EEF1E1: variants seen among roughly 807,000 people sequenced by gnomAD.
EEF1E1 encodes eukaryotic translation elongation factor 1 epsilon 1.
Under a neutral mutation model 19.9 loss-of-function variants are expected in EEF1E1, and 19 were observed. That is an observed-to-expected ratio of 0.95 (90% CI 0.66 to 1.40). EEF1E1 has a LOEUF of 1.40. Among genes scored for constraint, EEF1E1 ranks in the 40% most tolerant of loss-of-function variants. EEF1E1 has a pLI of 0.00. For missense variants in EEF1E1, 198 were observed against 202.2 expected, an observed-to-expected ratio of 0.98 and a Z score of 0.13; for synonymous variants, 81 against 80.0, an observed-to-expected ratio of 1.01 and a Z score of -0.07.
chr6:8,095,128 A>G (rs1426399062), intron 2 of EEF1E1, among the ~76,000 whole-genome samples: 1 of 152,172 alleles, frequency 6.6e-6, no homozygotes, highest in African/African-American at 2.4e-5. Flanking sequence ...TGCAACGCTA[A>G]CATGTTATTA....
At chr6:8,095,185 A>AACACATTGTC (rs551192027) in intron 2 of EEF1E1, among the ~76,000 whole-genome samples, 2 of 152,144 alleles carry the variant, frequency 1.3e-5, no homozygotes, top group Non-Finnish European at 2.9e-5. Context: ...AGGTGTTGAC[A>AACACATTGTC]ACACATTGTC....
At chr6:8,093,255 A>G (rs531628983) in intron 2 of EEF1E1, among the ~76,000 whole-genome samples, 10 of 152,066 alleles carry the variant, frequency 6.6e-5, no homozygotes, top group Non-Finnish European at 1.2e-4. Flanking sequence ...CTTTACTACC[A>G]AAAGACAGAG....
chr6:8,078,632 G>A (rs554591631), downstream of EEF1E1: 20 of 1,213,768 alleles, frequency 1.6e-5, no homozygotes, highest in Admixed American at 6.0e-4. Context: ...AGGCATGCCT[G>A]TGCCCACACA....
downstream of EEF1E1, chr6:8,078,571 C>A: frequency 1.0e-6 from 1 of 980,020 alleles, no homozygotes; most frequent in Non-Finnish European, 1.3e-6. Context: ...TCGCTCGAAG[C>A]AGGGTTGCCA....
At chr6:8,098,049 A>G (rs1758220322) in intron 1 of EEF1E1, among the ~76,000 whole-genome samples, 1 of 149,832 alleles carries the variant, frequency 6.7e-6, no homozygotes, top group South Asian at 2.1e-4. Context: ...TCAATGACTT[A>G]AGTAAATGAA....
intron 1 of EEF1E1, among the ~76,000 whole-genome samples, chr6:8,098,078 G>A (rs1758221416): frequency 6.6e-6 from 1 of 151,648 alleles, no homozygotes; most frequent in Admixed American, 6.6e-5. Context: ...TGTTTTTTTG[G>A]GAAGACTGCT....
chr6:8,102,380 C>T (rs1758390738), intron 1 of EEF1E1, 55 bp downstream of exon 1: 2 of 1,547,644 alleles, frequency 1.3e-6, no homozygotes, highest in Non-Finnish European at 1.8e-6. Flanking sequence ...TGCCAGGGCT[C>T]GGCAGGCCCC....
intron 3 of EEF1E1, among the ~76,000 whole-genome samples, chr6:8,081,645 CA>C (rs1235682553): frequency 6.6e-6 from 1 of 151,938 alleles, no homozygotes; most frequent in African/African-American, 2.4e-5. Flanking sequence ...GCAAGGACTT[CA>C]AAAGAAAATG....
chr6:8,080,262 C>A (rs532413415), intron 3 of EEF1E1, among the ~76,000 whole-genome samples: 2 of 152,224 alleles, frequency 1.3e-5, no homozygotes, highest in South Asian at 4.1e-4. Flanking sequence ...GTCCTTCCTG[C>A]GAAATACCAA....
chr6:8,084,534 A>G (rs950317414), intron 3 of EEF1E1, among the ~76,000 whole-genome samples: 8 of 152,180 alleles, frequency 5.3e-5, no homozygotes, highest in African/African-American at 1.9e-4. Flanking sequence ...TTTATTTTTA[A>G]TTAGATGTAG....
chr6:8,086,385 T>G (rs1187789613), intron 3 of EEF1E1, among the ~76,000 whole-genome samples: 1 of 152,190 alleles, frequency 6.6e-6, no homozygotes, highest in Admixed American at 6.5e-5. Context: ...TGCCCTCTTA[T>G]TCTTGGCAAA....
chr6:8,074,701 T>G (rs971892385), downstream of EEF1E1, among the ~76,000 whole-genome samples: 1 of 152,226 alleles, frequency 6.6e-6, no homozygotes, highest in Non-Finnish European at 1.5e-5. Context: ...AAATGAATTG[T>G]TTTGATCTGG....
At chr6:8,079,324 C>G (rs969607026), downstream of EEF1E1, 7 of 801,396 alleles carry the variant, frequency 8.7e-6, no homozygotes, top group African/African-American at 1.3e-4. Context: ...TCCAGTTTCC[C>G]GTAGGGCAGT....
intron 3 of EEF1E1, among the ~76,000 whole-genome samples, chr6:8,084,972 G>A (rs559722039): frequency 5.9e-5 from 9 of 152,138 alleles, no homozygotes; most frequent in East Asian, 3.9e-4. Flanking sequence ...TTTTAAATTC[G>A]AAAAGCTACT....
intron 2 of EEF1E1, chr6:8,095,565 GT>G (rs34723432): frequency 0.068 from 10,124 of 148,402 alleles, 554 homozygotes; most frequent in African/African-American, 0.16. Context: ...GTAGGTGCCT[GT>G]TTTTTTTTTT....
chr6:8,084,004 T>G (rs1757784380), intron 3 of EEF1E1, among the ~76,000 whole-genome samples: 2 of 152,220 alleles, frequency 1.3e-5, no homozygotes, highest in Admixed American at 1.3e-4. Flanking sequence ...AGAAGGTGTT[T>G]ATTTCTCTGA....
chr6:8,101,923 G>A (rs1758377620), intron 1 of EEF1E1: 16 of 1,235,616 alleles, frequency 1.3e-5, no homozygotes, highest in Non-Finnish European at 1.7e-5. Context: ...AATTTAAATG[G>A]TTGCAATGTT....
intron 1 of EEF1E1, among the ~76,000 whole-genome samples, 178 bp downstream of exon 1, chr6:8,102,257 T>C (rs9392962): frequency 0.2 from 29,599 of 151,738 alleles, 3,367 homozygotes; most frequent in Non-Finnish European, 0.26. Flanking sequence ...CTCCAGGAGG[T>C]AGGATGGCAG....
chr6:8,092,414 T>C (rs769417363), intron 2 of EEF1E1, among the ~76,000 whole-genome samples: 3 of 152,240 alleles, frequency 2.0e-5, no homozygotes, highest in Non-Finnish European at 4.4e-5. Context: ...AAGACCTTTA[T>C]GATAATCTAC....
Sources: gnomAD v4.1 joint callset for allele counts (sites outside exome capture counted in the v4.1 genomes callset) on GRCh38, gnomAD v4.1.1 for gene constraint, MANE v1.5 for transcripts, NCBI Gene and HGNC (gene_info 2026-07-23, HGNC 2026-07-21) for gene names.